Variants in DGKG observed in about 807,000 individuals in gnomAD.
DGKG encodes the protein diacylglycerol kinase gamma, also known as DAG kinase gamma.
DGKG carries 78 observed loss-of-function variants against 105.3 expected under a neutral mutation model. The ratio of observed to expected loss-of-function variants is 0.74; its 90% CI spans 0.62 to 0.89. The LOEUF (loss-of-function observed/expected upper bound fraction) is 0.89. Among genes scored for constraint, DGKG ranks in the 40% least tolerant of loss-of-function variants. The pLI is 0.00. For missense variants in DGKG, 958 were observed against 1,020.1 expected, an observed-to-expected ratio of 0.94 and a Z score of 0.83; for synonymous variants, 346 against 367.1, an observed-to-expected ratio of 0.94 and a Z score of 0.66.
intron 1 of DGKG, among the ~76,000 whole-genome samples, chr3:186,344,925 A>T (rs889449056): frequency 6.6e-6 from 1 of 152,184 alleles, no homozygotes; most frequent in South Asian, 2.1e-4. Context: ...ATTACGCAGC[A>T]TATAATTTTT....
Position 186,246,519 on chromosome 3 carries a change from G to A in DGKG, c.1762-3951C>T, listed in dbSNP as rs1003892216. Among the ~76,000 whole-genome samples the A allele has an allele frequency of 8.5e-5, 13 of 152,212 alleles. No homozygotes were observed. The South Asian group carries it at 1.0e-3, about 12-fold the overall frequency. ...GGTCTAAGTCACTTTGGCAATTTAC[G>A]GAGATAAAAAGATGGAAAGGAGACC... On this transcript the variant is annotated intron_variant, in intron 19 of 24. Coordinates refer to ENST00000265022, the MANE Select transcript of DGKG (RefSeq NM_001346.3).
chr3:186,167,763 AC>A, intron 22 of DGKG, among the ~76,000 whole-genome samples: 1 of 32,394 alleles, frequency 3.1e-5, no homozygotes, highest in African/African-American at 7.4e-5. Flanking sequence ...ACAGGAATTC[AC>A]TCACTCACTC....
intron 23 of DGKG, among the ~76,000 whole-genome samples, chr3:186,162,191 C>T (rs747024727): frequency 1.1e-4 from 16 of 152,114 alleles, no homozygotes; most frequent in South Asian, 2.1e-4. Context: ...CCACTGCGCT[C>T]GGCCGGGTCT....
In DGKG at chr3:186,164,930, C is replaced by T. The variant is rs753591831; in HGVS notation, c.2184G>A (p.Arg728=). Residue 728 remains arginine (R), a synonymous_variant, in exon 23 of 25, where the codon AGG becomes AGA. Coordinates refer to ENST00000265022, the MANE Select transcript of DGKG (RefSeq NM_001346.3). ...TGACAGAGGCGCACTGGGCCAGCCT[C>T]CTGCCTGCACTCTTCAGGCCGGTGT... ...QIYTGLKSAG[R]RLAQCASVTI... 7 of 1,613,824 alleles carry T rather than the reference C, an allele frequency of 4.3e-6. No homozygotes were observed. The East Asian group carries it at 1.1e-4, about 26-fold the overall frequency.
chr3:186,281,576 C>T (rs1164859330), intron 7 of DGKG, among the ~76,000 whole-genome samples: 1 of 152,114 alleles, frequency 6.6e-6, no homozygotes, highest in African/African-American at 2.4e-5. Flanking sequence ...AGATAGAATG[C>T]CGGGTCCAAA....
At chr3:186,241,373 T>C (rs1351741394) in intron 20 of DGKG, among the ~76,000 whole-genome samples, 1 of 152,006 alleles carries the variant, frequency 6.6e-6, no homozygotes, top group Non-Finnish European at 1.5e-5. Context: ...GTGAACATAG[T>C]GAAACCCCAT....
chr3:186,285,925 T>C (rs2268824), intron 6 of DGKG, among the ~76,000 whole-genome samples: 79,907 of 151,966 alleles, frequency 0.53, 22,948 homozygotes, highest in African/African-American at 0.78. Context: ...ATGATCCGCC[T>C]GCCTCGGCCT....
chr3:186,277,692 C>G (rs777283800), intron 9 of DGKG, among the ~76,000 whole-genome samples: 1 of 152,152 alleles, frequency 6.6e-6, no homozygotes, highest in Non-Finnish European at 1.5e-5. Flanking sequence ...AGTAACGTTT[C>G]TGCTTGGGTT....
intron 20 of DGKG, among the ~76,000 whole-genome samples, chr3:186,222,368 C>T (rs1214950487): frequency 6.6e-6 from 1 of 152,182 alleles, no homozygotes; most frequent in Non-Finnish European, 1.5e-5. Flanking sequence ...TTAGAGAGAG[C>T]TTACTGGAGC....
intron 2 of DGKG, among the ~76,000 whole-genome samples, chr3:186,320,102 C>T (rs559754005): frequency 9.3e-4 from 142 of 152,322 alleles, no homozygotes; most frequent in Non-Finnish European, 1.7e-3. Context: ...GCAATATGCA[C>T]AGCAGGGAAG....
At chr3:186,244,214 GAGGTAT>G in intron 19 of DGKG, among the ~76,000 whole-genome samples, 1 of 152,144 alleles carries the variant, frequency 6.6e-6, no homozygotes, top group East Asian at 1.9e-4. Flanking sequence ...TAAGCATCAA[GAGGTAT>G]AGTTCTATGA....
At chr3:186,278,304 T>G (rs181007872) in intron 9 of DGKG, among the ~76,000 whole-genome samples, 1 of 152,310 alleles carries the variant, frequency 6.6e-6, no homozygotes, top group East Asian at 1.9e-4. Flanking sequence ...CATTTTGTCT[T>G]GAGTATAATC....
intron 1 of DGKG, among the ~76,000 whole-genome samples, chr3:186,332,427 G>A (rs1434038684): frequency 6.6e-6 from 1 of 152,168 alleles, no homozygotes; most frequent in African/African-American, 2.4e-5. Flanking sequence ...GTCTGATTCT[G>A]AACTCCAGTG....
At chr3:186,316,145 C>G (rs983635096) in intron 2 of DGKG, among the ~76,000 whole-genome samples, 1 of 152,242 alleles carries the variant, frequency 6.6e-6, no homozygotes, top group African/African-American at 2.4e-5. Context: ...TGAGGCCTCC[C>G]CCTTGAAGGT....
chr3:186,280,055 C>T, intron 8 of DGKG, 82 bp from the exon 9 acceptor site: 1 of 1,549,866 alleles, frequency 6.5e-7, no homozygotes, highest in Non-Finnish European at 8.8e-7. Context: ...TCTTGTTCAT[C>T]TTGCATTATC....
chr3:186,234,931 G>A (rs17361681), intron 20 of DGKG, among the ~76,000 whole-genome samples: 23 of 152,078 alleles, frequency 1.5e-4, no homozygotes, highest in African/African-American at 4.1e-4. Context: ...GATGATCCAC[G>A]TGGTTGCTCC....
Position 186,150,131 on chromosome 3 carries a change from T to G in DGKG, c.2335A>C (p.Ser779Arg). 1 of 1,613,808 alleles carries G rather than the reference T, an allele frequency of 6.2e-7. No individual in the cohort carries two copies. ...CTCTTCCTTCTCAACGAGAAGAAGC[T>G]GCTCTTCTGGGGAGGCCCCATCATC... is the stretch of plus-strand genomic sequence containing the variant. Reference protein sequence around the residue: ...PMMMGPPQKSSFFSLRRKSRS... With the variant: ...PMMMGPPQKSRFFSLRRKSRS... The change falls in exon 25 of 25, where the codon AGC becomes CGC. Residue 779 changes from serine to arginine, a missense_variant. Around this residue, in one of 2 missense-constraint regions of DGKG, gnomAD observed 315 missense variants for 400.6 expected, o/e 0.79. Coordinates refer to ENST00000265022, the MANE Select transcript of DGKG (RefSeq NM_001346.3).
intron 22 of DGKG, among the ~76,000 whole-genome samples, chr3:186,175,675 G>T (rs1200526092): frequency 6.6e-6 from 1 of 152,158 alleles, no homozygotes; most frequent in Non-Finnish European, 1.5e-5. Flanking sequence ...TCCCGGTGAG[G>T]TCCAGTGCTG....
chr3:186,230,262 A>G (rs1275833252), intron 20 of DGKG, among the ~76,000 whole-genome samples: 1 of 151,340 alleles, frequency 6.6e-6, no homozygotes, highest in Non-Finnish European at 1.5e-5. Context: ...CGTCTCAAAA[A>G]CAAACAAACA....
Sources: gnomAD v4.1 joint callset for allele counts (sites outside exome capture counted in the v4.1 genomes callset) on GRCh38, gnomAD v4.1.1 for gene constraint, gnomAD v4.1.1 regional missense constraint, MANE v1.5 for transcripts, NCBI Gene and HGNC (gene_info 2026-07-23, HGNC 2026-07-21) for gene names.